GRB10: variants seen among roughly 807,000 people sequenced by gnomAD.
The protein encoded by GRB10 is growth factor receptor bound protein 10.
A neutral mutation model predicts 80.9 loss-of-function variants in GRB10; 20 were observed. The observed-to-expected ratio is 0.25, with a 90% CI of 0.17 to 0.36. The LOEUF is 0.36. Among genes scored for constraint, GRB10 ranks in the 10% least tolerant of loss-of-function variants. The pLI is 1.00. For synonymous variants in GRB10, 291 were observed against 291.5 expected (o/e 1.00, Z 0.02); for missense variants, 548 against 747.7 (o/e 0.73, Z 3.12).
intron 5 of GRB10, among the ~76,000 whole-genome samples, chr7:50,698,561 T>A (rs2063738522): frequency 6.6e-6 from 1 of 152,250 alleles, no homozygotes; most frequent in African/African-American, 2.4e-5. Flanking sequence ...ATGGTTCCTG[T>A]AATCTCTGTT....
At chr7:50,664,902 C>T (rs530625931) in intron 7 of GRB10, among the ~76,000 whole-genome samples, 33 of 152,322 alleles carry the variant, frequency 2.2e-4, no homozygotes, top group African/African-American at 6.3e-4. Context: ...TGAACAATGA[C>T]TAATTTAATT....
intron 5 of GRB10, 137 bp downstream of exon 5, chr7:50,703,683 CT>C (rs1380407663): frequency 1.0e-5 from 7 of 667,574 alleles, no homozygotes; most frequent in African/African-American, 1.8e-5. Context: ...TGGGAATTCA[CT>C]GTCCTTAATG....
chr7:50,676,719 A>G (rs1294204427), intron 5 of GRB10, among the ~76,000 whole-genome samples: 2 of 152,092 alleles, frequency 1.3e-5, no homozygotes, highest in African/African-American at 4.8e-5. Flanking sequence ...CAAAACAACA[A>G]CAATGAGGGA....
At chr7:50,718,840 T>A (rs1361197693) in intron 4 of GRB10, among the ~76,000 whole-genome samples, 1 of 152,070 alleles carries the variant, frequency 6.6e-6, no homozygotes, top group Non-Finnish European at 1.5e-5. Flanking sequence ...TACTGTCCAA[T>A]GTCTAAGCTT....
chr7:50,737,870 G>C (rs1195838224), intron 3 of GRB10, among the ~76,000 whole-genome samples: 2 of 151,668 alleles, frequency 1.3e-5, no homozygotes, highest in Non-Finnish European at 2.9e-5. Flanking sequence ...AACAAACAAA[G>C]AAACAAAAAA....
In GRB10 at chr7:50,614,762, G is replaced by T; in HGVS notation, c.1095+8C>A. Reference sequence around the variant, plus strand: ...CATGCGCGCCGTCTGTGGACAGCTCGTGGGTACCTTTATGCAGAGCCCGTG... The same window carrying T: ...CATGCGCGCCGTCTGTGGACAGCTCTTGGGTACCTTTATGCAGAGCCCGTG... On this transcript the variant is annotated splice_region_variant and intron_variant, in intron 12 of 18. Transcript: ENST00000401949. 1 of 1,588,916 alleles carries T rather than the reference G, an allele frequency of 6.3e-7. No homozygotes were observed. Among genetic ancestry groups the T allele is most frequent in the Non-Finnish European group, 8.6e-7 (1 of 1,157,214 alleles).
chr7:50,775,473 C>T (rs1182178810), intron 2 of GRB10, among the ~76,000 whole-genome samples: 1 of 152,182 alleles, frequency 6.6e-6, no homozygotes, highest in East Asian at 1.9e-4. Context: ...GCTGGCACTA[C>T]ACACGGGTAA....
At chr7:50,698,041 C>CCT (rs59433110) in intron 5 of GRB10, among the ~76,000 whole-genome samples, 138,243 of 152,192 alleles carry the variant, frequency 0.91, 62,932 homozygotes, top group African/African-American at 0.97. Flanking sequence ...AGTTGGTTTC[C>CCT]ATTTTTCTTG....
At chr7:50,641,024 C>T (rs1366233075) in intron 7 of GRB10, among the ~76,000 whole-genome samples, 5 of 152,088 alleles carry the variant, frequency 3.3e-5, no homozygotes, top group South Asian at 2.1e-4. Context: ...GGGCTAGTCA[C>T]GCAGGCTCAT....
chr7:50,594,022 A>T (rs1393195334), intron 18 of GRB10, among the ~76,000 whole-genome samples: 1 of 151,920 alleles, frequency 6.6e-6, no homozygotes, highest in East Asian at 1.9e-4. Context: ...TAAAATGTCA[A>T]TCACTTTTCA....
chr7:50,677,842 C>T (rs781623800), intron 5 of GRB10, among the ~76,000 whole-genome samples: 2 of 152,170 alleles, frequency 1.3e-5, no homozygotes, highest in Non-Finnish European at 2.9e-5. Context: ...CACGTGCACA[C>T]GTGCGAACAT....
Position 50,665,063 on chromosome 7 carries a change from T to A in GRB10, c.504+4659A>T, listed in dbSNP as rs1048145271. Among the ~76,000 whole-genome samples, 26 of 152,342 alleles carry A rather than the reference T, an allele frequency of 1.7e-4. 1 individual carries two copies. Among genetic ancestry groups the A allele is most frequent in the Middle Eastern group, 3.4e-3 (1 of 294 alleles). On this transcript the variant is annotated intron_variant, in intron 7 of 18. Transcript: ENST00000401949. ...TGCCATTTAATAAATGATGGAATCA[T>A]CTCCACAGAAGCTATACCTTCCAAT...
chr7:50,715,038 T>A (rs1356948924), intron 4 of GRB10, among the ~76,000 whole-genome samples: 2 of 139,318 alleles, frequency 1.4e-5, no homozygotes, highest in Non-Finnish European at 2.9e-5. Flanking sequence ...GCCCCAGGGT[T>A]TGATATGATG....
intron 4 of GRB10, chr7:50,705,144 G>A (rs1482788761): frequency 1.0e-6 from 1 of 985,396 alleles, no homozygotes; most frequent in African/African-American, 1.7e-5. Flanking sequence ...ACTGACCTGG[G>A]AGCAAACAGG....
chr7:50,664,114 A>C (rs1254486884), intron 7 of GRB10, among the ~76,000 whole-genome samples: 1 of 152,158 alleles, frequency 6.6e-6, no homozygotes, highest in Non-Finnish European at 1.5e-5. Context: ...GTGGACACCG[A>C]CGCTCAGTCT....
rs780445954 is a variant in GRB10 at position 50,661,525 on chromosome 7, CATAA to C, written c.504+8193_504+8196del. On this transcript the variant is annotated intron_variant, in intron 7 of 18. Transcript: ENST00000401949. ...GTGCCCACTGAGCTTGTCTTAAGTTCATAAATAAACAAGTTCCTAATAGCATTAC... is the reference window on the plus strand; with the variant it reads ...GTGCCCACTGAGCTTGTCTTAAGTTCATAAACAAGTTCCTAATAGCATTAC... Among the ~76,000 whole-genome samples the C allele has an allele frequency of 1.0e-3, 156 of 152,196 alleles. 4 individuals carry two copies. The highest frequency in any genetic ancestry group is 2.2e-4 in the Non-Finnish European group (15 of 68,038).
rs2047731562 is a variant in GRB10 at position 50,602,223 on chromosome 7, G to A, written c.1544+1775C>T. Among the ~76,000 whole-genome samples, 3 of 152,216 alleles carry A rather than the reference G, an allele frequency of 2.0e-5. No individual in the cohort carries two copies. In the South Asian group the frequency reaches 6.2e-4, roughly 32 times the overall value. On this transcript the variant is annotated intron_variant, in intron 17 of 18. Transcript: ENST00000401949. ...CTTCAGCTCATATAGGAAGGAATTA[G>A]AAAATGATGATTTTGGAACACCTAA...
chr7:50,736,168 C>T (rs1587679304), intron 3 of GRB10, among the ~76,000 whole-genome samples: 5 of 152,304 alleles, frequency 3.3e-5, no homozygotes, highest in Admixed American at 3.3e-4. Flanking sequence ...TGCCTGTAAT[C>T]CCAGCTACCT....
chr7:50,651,349 C>T (rs937818521), intron 7 of GRB10, among the ~76,000 whole-genome samples: 1 of 152,180 alleles, frequency 6.6e-6, no homozygotes, highest in Non-Finnish European at 1.5e-5. Flanking sequence ...GAGGTTCTGG[C>T]GGCTGCTGGC....
Sources: allele counts gnomAD v4.1 joint callset (sites outside exome capture counted in the v4.1 genomes callset), GRCh38; gene constraint gnomAD v4.1.1; transcripts MANE v1.5; gene names NCBI Gene and HGNC (gene_info 2026-07-23, HGNC 2026-07-21).